The following ALG9 variants were observed in gnomAD, a reference collection of about 807,000 sequenced individuals.
ALG9 encodes the protein alpha-1,2-mannosyltransferase ALG9.
ALG9 carries 55 observed loss-of-function variants against 81.8 expected under a neutral mutation model. The observed-to-expected ratio is 0.67, with a 90% confidence interval of 0.54 to 0.84. The LOEUF (loss-of-function observed/expected upper bound fraction) is 0.84, where lower values mean the gene tolerates loss of function less well. Ranked by LOEUF, ALG9 falls within the 40% of genes least tolerant of loss-of-function variation. The pLI, the probability that ALG9 is intolerant of heterozygous loss-of-function variation, is 0.00. For synonymous variants in ALG9, 278 were observed against 274.3 expected (o/e 1.01, Z -0.13); for missense variants, 629 against 745.0 (o/e 0.84, Z 1.81).
chr11:111,871,077 CA>C (rs1270707713), intron 1 of ALG9: 3 of 1,191,488 alleles, frequency 2.5e-6, no homozygotes, highest in Middle Eastern at 3.4e-4. Flanking sequence ...CTACATCTCC[CA>C]CAGAGGCTGT....
downstream of ALG9, chr11:111,782,189 A>G (rs1030725352): frequency 6.6e-6 from 1 of 152,242 alleles, no homozygotes; most frequent in African/African-American, 2.4e-5. Flanking sequence ...ATTAAGAAAA[A>G]GAAAATCAAA....
intron 4 of ALG9, among the ~76,000 whole-genome samples, chr11:111,861,506 C>G (rs2137159097): frequency 6.6e-6 from 1 of 152,320 alleles, no homozygotes; most frequent in Non-Finnish European, 1.5e-5. Context: ...GTCATACTCT[C>G]TGTCGCTCAG....
At chr11:111,797,165 C>T (rs1251460990) in intron 14 of ALG9, among the ~76,000 whole-genome samples, 1 of 152,252 alleles carries the variant, frequency 6.6e-6, no homozygotes, top group East Asian at 1.9e-4. Flanking sequence ...GGGAAGTCTA[C>T]TTCTTTTCCC....
chr11:111,789,019 T>C (rs1207217388), intron 14 of ALG9, among the ~76,000 whole-genome samples: 9 of 149,942 alleles, frequency 6.0e-5, no homozygotes, highest in East Asian at 2.0e-4. Flanking sequence ...TTTTTTTTTT[T>C]CCCCCAAGAG....
At chr11:111,789,662 G>A (rs1052240800) in intron 14 of ALG9, among the ~76,000 whole-genome samples, 3 of 151,602 alleles carry the variant, frequency 2.0e-5, no homozygotes, top group Admixed American at 6.6e-5. Flanking sequence ...GTGAAACCCC[G>A]TCTCTACTAA....
chr11:111,768,214 T>C, the ALG9 span, among the ~76,000 whole-genome samples: 446 of 152,334 alleles, frequency 2.9e-3, no homozygotes, highest in African/African-American at 9.9e-3. Flanking sequence ...CATAGGCATG[T>C]TGAACACAAA....
chr11:111,845,490 G>A (rs1956824496), intron 8 of ALG9: 1 of 152,174 alleles, frequency 6.6e-6, no homozygotes, highest in African/African-American at 2.4e-5. Flanking sequence ...ATCATGTTCA[G>A]AGGCCCAGGC....
intron 13 of ALG9, among the ~76,000 whole-genome samples, chr11:111,810,746 C>A (rs1950583017): frequency 6.6e-6 from 1 of 152,072 alleles, no homozygotes; most frequent in Non-Finnish European, 1.5e-5. Context: ...AAAGAGAGAC[C>A]TGCTTCAAAA....
At chr11:111,859,538 T>C (rs1959264511) in intron 5 of ALG9, among the ~76,000 whole-genome samples, 2 of 151,440 alleles carry the variant, frequency 1.3e-5, no homozygotes, top group Non-Finnish European at 2.9e-5. Flanking sequence ...AGAAAAAAAG[T>C]AGTAGGAAAG....
At chr11:111,802,650 T>C (rs1949302706) in intron 14 of ALG9, among the ~76,000 whole-genome samples, 2 of 152,212 alleles carry the variant, frequency 1.3e-5, no homozygotes, top group South Asian at 2.1e-4. Flanking sequence ...GAACTGGATA[T>C]GTAAACTATA....
chr11:111,817,216 A>C (rs1276291762), intron 13 of ALG9: 1 of 152,212 alleles, frequency 6.6e-6, no homozygotes, highest in African/African-American at 2.4e-5. Context: ...CCAAGGAGTA[A>C]GATGATAAAA....
intron 13 of ALG9, among the ~76,000 whole-genome samples, chr11:111,818,935 G>A (rs1315434735): frequency 6.6e-6 from 1 of 152,170 alleles, no homozygotes; most frequent in Admixed American, 6.5e-5. Flanking sequence ...AAGCTGAGAA[G>A]ATGCCCGTAG....
intron 14 of ALG9, 131 bp from the exon 15 acceptor site, chr11:111,786,651 T>C: frequency 9.0e-7 from 1 of 1,115,990 alleles, no homozygotes; most frequent in Non-Finnish European, 1.3e-6. Context: ...CAGAAAAGCC[T>C]ATTATTTCGG....
chr11:111,808,960 G>A (rs561756917), intron 14 of ALG9, among the ~76,000 whole-genome samples: 9 of 152,276 alleles, frequency 5.9e-5, no homozygotes, highest in Non-Finnish European at 8.8e-5. Flanking sequence ...GCCTATCTCA[G>A]CCCTGGCTGA....
chr11:111,805,365 T>C (rs1385997740), intron 14 of ALG9: 6 of 455,002 alleles, frequency 1.3e-5, no homozygotes, highest in African/African-American at 1.2e-4. Context: ...TATGGTCATT[T>C]GTTATAGCAG....
Position 111,786,173 on chromosome 11 carries a change from C to G in ALG9, c.*224G>C. 2 of 647,618 alleles carry G rather than the reference C, an allele frequency of 3.1e-6. No homozygotes were observed. The highest frequency in any genetic ancestry group is 3.0e-5 in the South Asian group (2 of 67,148). The allele number at this position is 647,618 out of a possible 1,614,324, so 40.1% of individuals were successfully genotyped here. A position where few individuals can be genotyped will look rare whatever the true frequency, so the allele number is the denominator to read the frequency against. Reference sequence around the variant, plus strand: ...TCTGTGCTTTAGGGCCTTTCTCTGCCTAGCTGCAAAAAGTTTACATGCAGA... The same window carrying G: ...TCTGTGCTTTAGGGCCTTTCTCTGCGTAGCTGCAAAAAGTTTACATGCAGA... On this transcript the variant is annotated 3_prime_UTR_variant, in exon 15 of 15. Transcript: ENST00000616540.
chr11:111,807,901 A>G (rs1230586888), intron 14 of ALG9, among the ~76,000 whole-genome samples: 1 of 152,158 alleles, frequency 6.6e-6, no homozygotes, highest in Non-Finnish European at 1.5e-5. Flanking sequence ...CTTGGGCAAT[A>G]TGGCAAAACC....
intron 9 of ALG9, among the ~76,000 whole-genome samples, chr11:111,842,363 A>G (rs1319774884): frequency 1.3e-5 from 2 of 152,166 alleles, no homozygotes; most frequent in Non-Finnish European, 2.9e-5. Flanking sequence ...CCACAGCTAG[A>G]TATGATGAAA....
intron 13 of ALG9, among the ~76,000 whole-genome samples, chr11:111,811,093 T>A (rs764385316): frequency 7.2e-5 from 11 of 152,172 alleles, no homozygotes; most frequent in Non-Finnish European, 1.5e-4. Context: ...ATTAAGACAG[T>A]TTAGCAAAAT....
Sources: gnomAD v4.1 joint callset for allele counts (sites outside exome capture counted in the v4.1 genomes callset) on GRCh38, gnomAD v4.1.1 for gene constraint, MANE v1.5 for transcripts, NCBI Gene and HGNC (gene_info 2026-07-23, HGNC 2026-07-21) for gene names.